The following MAPRE2 variants were observed in gnomAD, a reference collection of about 807,000 sequenced individuals.
MAPRE2 encodes microtubule associated protein RP/EB family member 2, also known as microtubule-associated protein RP/EB family member 2.
MAPRE2 carries 13 observed loss-of-function variants against 43.2 expected under a neutral mutation model. That is an observed-to-expected ratio of 0.30 (90% confidence interval 0.20 to 0.48). MAPRE2 has a LOEUF of 0.48. Ranked by LOEUF, MAPRE2 falls within the 20% of genes least tolerant of loss-of-function variation. The pLI, the probability that MAPRE2 is intolerant of heterozygous loss-of-function variation, is 0.99. For missense variants in MAPRE2, 161 were observed against 400.2 expected (o/e 0.40, Z 5.10); for synonymous variants, 135 against 148.8 (o/e 0.91, Z 0.68).
chr18:35,018,028 A>AT (rs1209927864), intron 2 of MAPRE2, among the ~76,000 whole-genome samples: 1 of 151,802 alleles, frequency 6.6e-6, no homozygotes, highest in Admixed American at 6.6e-5. Context: ...AGGATGTTGG[A>AT]TTTTTATCAA....
intron 4 of MAPRE2, among the ~76,000 whole-genome samples, chr18:35,108,363 G>T (rs538975535): frequency 1.3e-5 from 2 of 152,132 alleles, no homozygotes; most frequent in Non-Finnish European, 2.9e-5. Flanking sequence ...TCTTTATCCA[G>T]TCTGTCATTG....
At chr18:35,007,055 G>A (rs890695536) in intron 2 of MAPRE2, among the ~76,000 whole-genome samples, 5 of 152,320 alleles carry the variant, frequency 3.3e-5, no homozygotes, top group African/African-American at 1.2e-4. Flanking sequence ...GACAGAGTTG[G>A]GACAGGGCTC....
At chr18:35,058,897 G>A (rs1906378709) in intron 1 of MAPRE2, among the ~76,000 whole-genome samples, 1 of 152,152 alleles carries the variant, frequency 6.6e-6, no homozygotes, top group Non-Finnish European at 1.5e-5. Flanking sequence ...TCAATTAAAA[G>A]CAAGAATCCT....
intron 1 of MAPRE2, among the ~76,000 whole-genome samples, chr18:34,987,326 TC>T (rs2097021537): frequency 1.3e-5 from 2 of 152,204 alleles, no homozygotes; most frequent in Admixed American, 1.3e-4. Flanking sequence ...GGCATCAGCA[TC>T]ACCTAGGAGT....
chr18:35,097,663 C>A, intron 3 of MAPRE2, 72 bp downstream of exon 3: 1 of 1,385,566 alleles, frequency 7.2e-7, no homozygotes, highest in Admixed American at 2.0e-5. Flanking sequence ...ATGCAAAAGT[C>A]CAGGAGCATA....
At position 35,025,864 on chromosome 18, in the gene MAPRE2, C is replaced by T. The variant is rs369226570; in HGVS notation, c.-8+20311C>T. On this transcript the variant is annotated intron_variant, in intron 2 of 7. Transcript: ENST00000413393. ...AAGTACAGAGGAAGCTTTGCTTATGCTGATACCAGGTGGCAAAACTAACAT... is the reference window on the plus strand; with the variant it reads ...AAGTACAGAGGAAGCTTTGCTTATGTTGATACCAGGTGGCAAAACTAACAT... Among the ~76,000 whole-genome samples the T allele has an allele frequency of 1.1e-4, 16 of 152,290 alleles. 1 individual carries two copies. Among genetic ancestry groups the T allele is most frequent in the Admixed American group, 4.6e-4 (7 of 15,304 alleles).
intron 2 of MAPRE2, chr18:35,070,561 G>C (rs1161608025): frequency 4.5e-5 from 13 of 291,076 alleles, no homozygotes; most frequent in Non-Finnish European, 8.3e-5. Flanking sequence ...TCTTGCTTGA[G>C]CTTCGTAATG....
At chr18:35,003,932 T>C (rs974797444) in intron 1 of MAPRE2, among the ~76,000 whole-genome samples, 4 of 152,238 alleles carry the variant, frequency 2.6e-5, no homozygotes, top group African/African-American at 9.6e-5. Context: ...CAACTTATTG[T>C]ATCTGAAGGA....
chr18:35,021,122 T>C (rs561609284), intron 2 of MAPRE2, among the ~76,000 whole-genome samples: 1 of 152,216 alleles, frequency 6.6e-6, no homozygotes, highest in African/African-American at 2.4e-5. Context: ...GGTACTTTAG[T>C]GTGAATAATG....
intron 1 of MAPRE2, among the ~76,000 whole-genome samples, chr18:34,982,011 A>G (rs1021378590): frequency 4.0e-5 from 6 of 151,072 alleles, no homozygotes; most frequent in South Asian, 4.2e-4. Context: ...CAGCCTCCCG[A>G]GTAGCTGGGA....
At chr18:35,059,983 A>C (rs543735205) in intron 1 of MAPRE2, among the ~76,000 whole-genome samples, 1 of 152,296 alleles carries the variant, frequency 6.6e-6, no homozygotes, top group East Asian at 1.9e-4. Context: ...TGTGTGCACC[A>C]CAGGACTTTG....
At chr18:35,126,786 A>T (rs1032219887) in intron 4 of MAPRE2, among the ~76,000 whole-genome samples, 162 bp from the exon 5 acceptor site, 2 of 152,168 alleles carry the variant, frequency 1.3e-5, no homozygotes, top group African/African-American at 2.4e-5. Context: ...TTAACTGTGT[A>T]CACTCCTGCT....
chr18:35,043,063 T>C (rs1279375588), intron 1 of MAPRE2, among the ~76,000 whole-genome samples: 1 of 152,194 alleles, frequency 6.6e-6, no homozygotes, highest in East Asian at 1.9e-4. Context: ...TGATATGGCA[T>C]TCTTACAGAT....
At chr18:35,132,009 T>C (rs561055326) in intron 5 of MAPRE2, 23 bp from the exon 6 acceptor site, 41 of 1,611,972 alleles carry the variant, frequency 2.5e-5, no homozygotes, top group Admixed American at 5.0e-5. Context: ...TGGTTTTTTT[T>C]CTTCACTCTC....
At chr18:35,075,779 T>C (rs375114421) in intron 2 of MAPRE2, among the ~76,000 whole-genome samples, 2 of 151,860 alleles carry the variant, frequency 1.3e-5, no homozygotes, top group African/African-American at 4.8e-5. Context: ...TGGATAATGG[T>C]GGGGAGGGGT....
At chr18:35,085,830 G>A (rs771878182) in intron 2 of MAPRE2, among the ~76,000 whole-genome samples, 27 of 152,164 alleles carry the variant, frequency 1.8e-4, no homozygotes, top group Admixed American at 1.6e-3. Flanking sequence ...AGAGTGTGAC[G>A]ACATGTCACT....
At chr18:35,031,368 T>C (rs192051784) in intron 2 of MAPRE2, among the ~76,000 whole-genome samples, 230 of 152,346 alleles carry the variant, frequency 1.5e-3, no homozygotes, top group African/African-American at 5.2e-3. Flanking sequence ...CTTTTCTATA[T>C]TCCTAATACT....
intron 2 of MAPRE2, among the ~76,000 whole-genome samples, chr18:35,077,268 CACAT>C (rs372084128): frequency 0.03 from 2,691 of 90,108 alleles, 33 homozygotes; most frequent in East Asian, 0.2. Flanking sequence ...CACACACACA[CACAT>C]ACACACACAC....
At chr18:34,980,683 A>G (rs1269420299) in intron 1 of MAPRE2, among the ~76,000 whole-genome samples, 1 of 152,202 alleles carries the variant, frequency 6.6e-6, no homozygotes, top group Non-Finnish European at 1.5e-5. Context: ...CTTACATTTC[A>G]TACCCAACAA....
Sources: allele counts gnomAD v4.1 joint callset (sites outside exome capture counted in the v4.1 genomes callset), GRCh38; gene constraint gnomAD v4.1.1; transcripts MANE v1.5; gene names NCBI Gene and HGNC (gene_info 2026-07-23, HGNC 2026-07-21).